The following CYP39A1 variants were observed in gnomAD, a reference collection of about 807,000 sequenced individuals.
CYP39A1 encodes cytochrome P450 family 39 subfamily A member 1, also known as 24-hydroxycholesterol 7-alpha-hydroxylase.
CYP39A1 carries 49 observed loss-of-function variants against 58.1 expected under a neutral mutation model. That is an observed-to-expected ratio of 0.84 (90% CI 0.67 to 1.07). CYP39A1 has a LOEUF of 1.07. CYP39A1 is among the 50% of genes least tolerant of loss of function. CYP39A1 has a pLI of 0.00. For missense variants in CYP39A1, 531 were observed against 539.4 expected (o/e 0.98, Z 0.16); for synonymous variants, 209 against 187.6 (o/e 1.11, Z -0.93).
intron 11 of CYP39A1, among the ~76,000 whole-genome samples, chr6:46,552,026 A>T (rs1364321410): frequency 6.6e-6 from 1 of 152,222 alleles, no homozygotes; most frequent in African/African-American, 2.4e-5. Context: ...AATAGGACAT[A>T]TATAAAATAG....
intron 10 of CYP39A1, among the ~76,000 whole-genome samples, chr6:46,575,770 C>T (rs936990510): frequency 4.6e-5 from 7 of 152,174 alleles, no homozygotes; most frequent in African/African-American, 1.7e-4. Flanking sequence ...TGTGGGCCTG[C>T]TCCCAGCCCT....
intron 10 of CYP39A1, among the ~76,000 whole-genome samples, chr6:46,574,918 G>A (rs1469176004): frequency 6.6e-6 from 1 of 151,680 alleles, no homozygotes; most frequent in Non-Finnish European, 1.5e-5. Flanking sequence ...AGACTATCAA[G>A]GAGACCAGCA....
chr6:46,625,409 G>T lies in CYP39A1; in HGVS notation c.931+9C>A, dbSNP rs1280004739. On this transcript the variant is annotated intron_variant, in intron 7 of 11. Transcript: ENST00000275016. Reference sequence around the variant, plus strand: ...TAGCTGTGTCTTCCTATATAATAAGGTTTAGTACCTGCTTTGCCAAACACA... The same window carrying T: ...TAGCTGTGTCTTCCTATATAATAAGTTTTAGTACCTGCTTTGCCAAACACA... The T allele has an allele frequency of 2.5e-6, 4 of 1,596,182 alleles. No homozygotes were observed. The Admixed American group carries it at 5.1e-5, about 20-fold the overall frequency.
chr6:46,601,910 T>G (rs1341630070), intron 7 of CYP39A1, among the ~76,000 whole-genome samples: 1 of 152,080 alleles, frequency 6.6e-6, no homozygotes, highest in Non-Finnish European at 1.5e-5. Flanking sequence ...AGCTAGAAAT[T>G]CTCCTCTGCA....
chr6:46,629,770 T>C (rs1775535033), intron 6 of CYP39A1, among the ~76,000 whole-genome samples: 1 of 152,154 alleles, frequency 6.6e-6, no homozygotes, highest in South Asian at 2.1e-4. Context: ...ATCCTCCTGT[T>C]TAGTAGAAAA....
At chr6:46,585,933 G>C (rs9367252) in intron 10 of CYP39A1, among the ~76,000 whole-genome samples, 3 of 152,044 alleles carry the variant, frequency 2.0e-5, no homozygotes, top group Admixed American at 2.0e-4. Context: ...CAGGATGAAC[G>C]GGGCCTCATC....
At chr6:46,583,073 A>G (rs987361944) in intron 10 of CYP39A1, 1 of 985,254 alleles carries the variant, frequency 1.0e-6, no homozygotes, top group African/African-American at 1.7e-5. Context: ...AGGACTCCCT[A>G]GAATACATGA....
intron 7 of CYP39A1, among the ~76,000 whole-genome samples, chr6:46,605,166 G>C (rs1040182507): frequency 2.0e-5 from 3 of 152,134 alleles, no homozygotes; most frequent in Non-Finnish European, 2.9e-5. Context: ...GAAAAAGAAA[G>C]CAAGAAAACC....
chr6:46,567,889 G>T (rs1343466290), intron 10 of CYP39A1, among the ~76,000 whole-genome samples: 2 of 152,132 alleles, frequency 1.3e-5, no homozygotes, highest in African/African-American at 4.8e-5. Flanking sequence ...ACAAGAGCTA[G>T]TGAGCTCTGA....
intron 7 of CYP39A1, among the ~76,000 whole-genome samples, chr6:46,610,089 T>C (rs1774122449): frequency 6.6e-6 from 1 of 152,206 alleles, no homozygotes; most frequent in South Asian, 2.1e-4. Context: ...TCTTTCCAAA[T>C]GTAGATCGTT....
intron 5 of CYP39A1, 50 bp downstream of exon 5, chr6:46,636,339 T>C: frequency 7.4e-7 from 1 of 1,356,448 alleles, no homozygotes; most frequent in South Asian, 1.3e-5. Context: ...TTAACAACAA[T>C]AATTTATTAC....
intron 11 of CYP39A1, among the ~76,000 whole-genome samples, chr6:46,552,560 T>A (rs907697471): frequency 1.3e-5 from 2 of 152,208 alleles, no homozygotes; most frequent in South Asian, 2.1e-4. Flanking sequence ...CCTTATTATA[T>A]CAAGAGTAAA....
At chr6:46,565,466 G>A (rs1024443116) in intron 10 of CYP39A1, among the ~76,000 whole-genome samples, 2 of 151,206 alleles carry the variant, frequency 1.3e-5, no homozygotes, top group Non-Finnish European at 2.9e-5. Flanking sequence ...TAAGCTGAAT[G>A]AGAAGGAAAA....
chr6:46,595,955 G>A (rs758197484), intron 8 of CYP39A1, 32 bp downstream of exon 8: 2 of 1,592,788 alleles, frequency 1.3e-6, no homozygotes, highest in Non-Finnish European at 1.7e-6. Context: ...TTTGTAGAAG[G>A]TTGATTCATT....
chr6:46,623,644 A>G (rs1456322367), intron 7 of CYP39A1, among the ~76,000 whole-genome samples: 1 of 152,060 alleles, frequency 6.6e-6, no homozygotes, highest in African/African-American at 2.4e-5. Context: ...CTCTTTATCT[A>G]TGTATCTATT....
intron 1 of CYP39A1, among the ~76,000 whole-genome samples, chr6:46,650,239 A>T (rs1762592234): frequency 6.6e-6 from 1 of 152,046 alleles, no homozygotes; most frequent in Middle Eastern, 3.2e-3. Flanking sequence ...GCTGATCTGA[A>T]AATGACTTGA....
chr6:46,583,131 A>T (rs978507914), intron 10 of CYP39A1: 1 of 985,270 alleles, frequency 1.0e-6, no homozygotes, highest in Non-Finnish European at 1.2e-6. Context: ...TCTATTCCTG[A>T]GGAATCCATG....
chr6:46,577,185 T>C (rs1771888667), intron 10 of CYP39A1, among the ~76,000 whole-genome samples: 1 of 152,150 alleles, frequency 6.6e-6, no homozygotes, highest in Non-Finnish European at 1.5e-5. Context: ...AAACTAAGAT[T>C]CATAAGCAAA....
chr6:46,563,826 C>A (rs1771108418), intron 10 of CYP39A1, among the ~76,000 whole-genome samples: 1 of 152,066 alleles, frequency 6.6e-6, no homozygotes, highest in Non-Finnish European at 1.5e-5. Context: ...AGTAGACGCT[C>A]TGGGGAGGAC....
Sources: allele counts gnomAD v4.1 joint callset (sites outside exome capture counted in the v4.1 genomes callset), GRCh38; gene constraint gnomAD v4.1.1; transcripts MANE v1.5; gene names NCBI Gene and HGNC (gene_info 2026-07-23, HGNC 2026-07-21).